Variants in KIF2A observed in about 807,000 individuals in gnomAD.
The protein encoded by KIF2A is kinesin family member 2A, also known as kinesin-like protein KIF2A.
Under a neutral mutation model 100.2 loss-of-function variants are expected in KIF2A, and 22 were observed. The observed-to-expected ratio is 0.22, with a 90% CI of 0.16 to 0.31. The LOEUF is 0.31. KIF2A is among the 10% of genes least tolerant of loss of function. The probability of loss-of-function intolerance (pLI) is 1.00; values close to 1 mark genes in which losing one functional copy is unlikely to be tolerated. For missense variants in KIF2A, 495 were observed against 898.7 expected, an observed-to-expected ratio of 0.55 and a Z score of 5.74; for synonymous variants, 268 against 285.9, an observed-to-expected ratio of 0.94 and a Z score of 0.63.
chr5:62,310,041 G>A (rs1407972418), intron 1 of KIF2A, among the ~76,000 whole-genome samples: 3 of 150,440 alleles, frequency 2.0e-5, no homozygotes, highest in Admixed American at 6.6e-5. Flanking sequence ...ACTGCATGGG[G>A]TAATGGGACT....
At chr5:62,310,255 C>CTACTTT (rs1745497749) in intron 1 of KIF2A, among the ~76,000 whole-genome samples, 1 of 151,820 alleles carries the variant, frequency 6.6e-6, no homozygotes, top group South Asian at 2.1e-4. Context: ...GTTTTTGCCA[C>CTACTTT]GTTGGCCAGG....
intron 16 of KIF2A, among the ~76,000 whole-genome samples, chr5:62,370,635 A>C (rs1214179844): frequency 6.6e-6 from 1 of 152,026 alleles, no homozygotes; most frequent in Non-Finnish European, 1.5e-5. Context: ...ACAAGGGAAA[A>C]CTTTCAGAGT....
intron 1 of KIF2A, among the ~76,000 whole-genome samples, chr5:62,331,577 G>A (rs762379142): frequency 1.6e-4 from 24 of 152,102 alleles, no homozygotes; most frequent in Non-Finnish European, 2.9e-4. Flanking sequence ...GTGACAGAGC[G>A]AGACTCCGTC....
chr5:62,368,502 C>T (rs752069634), intron 16 of KIF2A, among the ~76,000 whole-genome samples: 8 of 152,008 alleles, frequency 5.3e-5, no homozygotes, highest in Admixed American at 3.9e-4. Context: ...TAGGGCCAGG[C>T]GCGGTGGCTT....
chr5:62,353,597 C>T (rs962397803), intron 6 of KIF2A, among the ~76,000 whole-genome samples: 2 of 151,938 alleles, frequency 1.3e-5, no homozygotes, highest in African/African-American at 4.8e-5. Context: ...TATGTGTTAA[C>T]GCTAAAATTT....
chr5:62,353,965 T>C (rs1747978325), intron 6 of KIF2A, among the ~76,000 whole-genome samples: 1 of 152,170 alleles, frequency 6.6e-6, no homozygotes, highest in Admixed American at 6.5e-5. Flanking sequence ...CATTTTGTTA[T>C]TATACATAAC....
intron 1 of KIF2A, among the ~76,000 whole-genome samples, chr5:62,326,712 T>G (rs1746396274): frequency 6.6e-6 from 1 of 151,904 alleles, no homozygotes; most frequent in Admixed American, 6.6e-5. Context: ...AAAATCCTCT[T>G]AGGCTAGGTG....
intron 1 of KIF2A, among the ~76,000 whole-genome samples, chr5:62,316,426 TTC>T (rs1287071210): frequency 1.3e-5 from 2 of 152,350 alleles, no homozygotes; most frequent in Non-Finnish European, 1.5e-5. Context: ...GGCATTTGCC[TTC>T]TCTTTTTCAC....
intron 1 of KIF2A, among the ~76,000 whole-genome samples, chr5:62,307,711 G>C (rs1050213599): frequency 1.3e-5 from 2 of 150,716 alleles, no homozygotes; most frequent in African/African-American, 4.9e-5. Flanking sequence ...TCCGCCTCCC[G>C]TGTTGAAGCT....
intron 13 of KIF2A, 141 bp from the exon 14 acceptor site, chr5:62,363,554 C>G: frequency 1.3e-6 from 1 of 756,742 alleles, no homozygotes; most frequent in Non-Finnish European, 2.1e-6. Context: ...AGTGTTATAA[C>G]TCAGTGTCTC....
intron 9 of KIF2A, among the ~76,000 whole-genome samples, chr5:62,360,588 G>T (rs1748355261): frequency 2.0e-5 from 3 of 152,114 alleles, no homozygotes; most frequent in South Asian, 4.1e-4. Context: ...GGGAGGCTGA[G>T]GCAGGAGAAT....
chr5:62,357,986 TG>T (rs1320537069), intron 8 of KIF2A, 150 bp from the exon 9 acceptor site: 1 of 675,330 alleles, frequency 1.5e-6, no homozygotes, highest in African/African-American at 1.8e-5. Context: ...TGAAATATTT[TG>T]TCTTAGTGAG....
In KIF2A at chr5:62,389,173, T is replaced by C; in HGVS notation, c.*3604T>C. The C allele has an allele frequency of 1.3e-6, 1 of 786,130 alleles. No homozygotes were observed. The highest frequency in any genetic ancestry group is 2.0e-6 in the Non-Finnish European group (1 of 498,694). 48.7% of individuals were successfully genotyped at this position (786,130 alleles called of 1,614,324 possible). A position where few individuals can be genotyped will look rare whatever the true frequency, so the allele number is the denominator to read the frequency against. ...CAGCATGCTTACAGAGCCCACCCACTCCTAATACTAGTTATTAAAGAAACG... is the reference window on the plus strand; with the variant it reads ...CAGCATGCTTACAGAGCCCACCCACCCCTAATACTAGTTATTAAAGAAACG... On this transcript the variant is annotated 3_prime_UTR_variant, in exon 21 of 21. Transcript: ENST00000407818.
chr5:62,369,740 T>TA, intron 16 of KIF2A, among the ~76,000 whole-genome samples: 1 of 152,302 alleles, frequency 6.6e-6, no homozygotes. Flanking sequence ...TTATTTTTTT[T>TA]AGGCCAATAC....
Position 62,389,086 on chromosome 5 carries a change from A to G in KIF2A, c.*3517A>G. On this transcript the variant is annotated 3_prime_UTR_variant, in exon 21 of 21. Coordinates refer to ENST00000407818, the MANE Select transcript of KIF2A (RefSeq NM_001098511.3). The stretch of plus-strand genomic sequence containing the variant: ...AGAAATCAAAATGGAATGGTACTGA[A>G]AAGCTAATTTGTAGCACATAACGGT... The G allele has an allele frequency of 6.3e-7, 1 of 1,585,264 alleles. No homozygotes were observed.
chr5:62,341,605 T>A (rs1747299970), intron 1 of KIF2A, among the ~76,000 whole-genome samples: 1 of 152,158 alleles, frequency 6.6e-6, no homozygotes, highest in Non-Finnish European at 1.5e-5. Flanking sequence ...CCCAGCCTCC[T>A]TGATTTGCTT....
chr5:62,369,318 C>T (rs1170511677), intron 16 of KIF2A, among the ~76,000 whole-genome samples: 1 of 152,140 alleles, frequency 6.6e-6, no homozygotes, highest in Non-Finnish European at 1.5e-5. Context: ...AGGAAACTTA[C>T]AGTCATGGTG....
Position 62,355,178 on chromosome 5 carries a change from C to A in KIF2A, c.578C>A (p.Pro193Gln). 6.3e-7 allele frequency: 1 copy of A among 1,583,296 alleles called. No homozygotes were observed. The highest frequency in any genetic ancestry group is 1.1e-5 in the South Asian group (1 of 89,274). ...TAATAGGACGTTGATGCTACAAACC[C>A]AAATTATGAAATTATGTGTATGATC... ...KRAQDVDATN[P>Q]NYEIMCMIRD... Residue 193 changes from proline to glutamine, a missense_variant, in exon 7 of 21, where the codon CCA (proline) becomes CAA (glutamine). Transcript: ENST00000407818.
At chr5:62,368,833 A>C (rs1473479440) in intron 16 of KIF2A, among the ~76,000 whole-genome samples, 1 of 152,092 alleles carries the variant, frequency 6.6e-6, no homozygotes, top group Non-Finnish European at 1.5e-5. Context: ...ATATTTTGTA[A>C]ATTTAATCCC....
Sources: allele counts gnomAD v4.1 joint callset (sites outside exome capture counted in the v4.1 genomes callset), GRCh38; gene constraint gnomAD v4.1.1; transcripts MANE v1.5; gene names NCBI Gene and HGNC (gene_info 2026-07-23, HGNC 2026-07-21).